AGBL3: variants seen among roughly 807,000 people sequenced by gnomAD.
The protein encoded by AGBL3 is AGBL carboxypeptidase 3, also known as cytosolic carboxypeptidase 3.
In AGBL3, 68 loss-of-function variants were observed where a neutral mutation model predicts 94.5. The observed-to-expected ratio is 0.72, with a 90% CI of 0.59 to 0.88. The LOEUF (loss-of-function observed/expected upper bound fraction) is 0.88. AGBL3 is among the 40% of genes least tolerant of loss of function. AGBL3 has a pLI of 0.00. For missense variants in AGBL3, 934 were observed against 1,103.8 expected, an observed-to-expected ratio of 0.85 and a Z score of 2.18; for synonymous variants, 354 against 370.7, an observed-to-expected ratio of 0.95 and a Z score of 0.52.
intron 4 of AGBL3, among the ~76,000 whole-genome samples, chr7:135,000,982 C>G (rs982045775): frequency 1.3e-5 from 2 of 152,144 alleles, no homozygotes; most frequent in African/African-American, 4.8e-5. Flanking sequence ...AATCTGTCGG[C>G]TTGGACAATT....
intron 15 of AGBL3, among the ~76,000 whole-genome samples, chr7:135,110,477 T>C (rs988598804): frequency 6.6e-6 from 1 of 152,012 alleles, no homozygotes; most frequent in Non-Finnish European, 1.5e-5. Context: ...ACTGCAGGAA[T>C]TGGTGGAGTG....
At chr7:135,040,878 A>AC (rs1816781296) in intron 8 of AGBL3, among the ~76,000 whole-genome samples, 1 of 12,290 alleles carries the variant, frequency 8.1e-5, no homozygotes, top group Admixed American at 1.6e-3. Context: ...GCACACACAC[A>AC]CACACACCAC....
chr7:135,017,139 T>C lies in AGBL3; in HGVS notation c.398T>C (p.Val133Ala). The C allele has an allele frequency of 6.5e-7, 1 of 1,547,558 alleles. No homozygotes were observed. The highest frequency in any genetic ancestry group is 1.2e-5 in the South Asian group (1 of 83,954). The part of the protein sequence containing the change: ...PLYPDSKEAT[V>A]VYLAEDAYKE... Reference sequence around the variant, plus strand: ...TATCCAGACTCCAAGGAAGCTACTGTGGTTTATCTAGCTGAAGATGGTGAG... The same window carrying C: ...TATCCAGACTCCAAGGAAGCTACTGCGGTTTATCTAGCTGAAGATGGTGAG... Residue 133 changes from valine (V) to alanine (A), a missense_variant, in exon 5 of 17, where the codon GTG becomes GCG. Physicochemically the swap from Val to Ala is moderately conservative, Grantham distance 64. This residue lies in a region of AGBL3 where 488 missense variants were observed against 563.6 expected (regional missense o/e 0.87). Transcript: ENST00000436302.
intron 3 of AGBL3, among the ~76,000 whole-genome samples, chr7:134,992,932 G>T (rs1184212000): frequency 1.3e-5 from 2 of 152,108 alleles, no homozygotes; most frequent in Non-Finnish European, 2.9e-5. Context: ...CTTAAGGAGG[G>T]TGACCATCAA....
intron 16 of AGBL3, among the ~76,000 whole-genome samples, chr7:135,123,291 A>G (rs954330865): frequency 7.2e-5 from 11 of 152,212 alleles, no homozygotes; most frequent in African/African-American, 2.7e-4. Context: ...AAGAAAGGAT[A>G]TCAGAGTTTG....
intron 15 of AGBL3, among the ~76,000 whole-genome samples, chr7:135,103,612 G>A (rs1401222493): frequency 1.3e-5 from 2 of 152,034 alleles, no homozygotes; most frequent in African/African-American, 4.8e-5. Context: ...TTTTCTTATG[G>A]TAGTCAGTTT....
At chr7:135,067,813 A>G (rs1424364826) in intron 12 of AGBL3, among the ~76,000 whole-genome samples, 2 of 152,186 alleles carry the variant, frequency 1.3e-5, no homozygotes, top group African/African-American at 4.8e-5. Context: ...AAAACTGGAA[A>G]CTCTAAAAAT....
chr7:135,017,608 A>G (rs543351778), intron 5 of AGBL3, among the ~76,000 whole-genome samples: 2 of 152,354 alleles, frequency 1.3e-5, no homozygotes, highest in Non-Finnish European at 2.9e-5. Context: ...AAAATCAAAC[A>G]TAGAAGTCTC....
At position 135,066,001 on chromosome 7, in the gene AGBL3, G is replaced by A. The variant is rs144453502; in HGVS notation, c.1908+6766G>A. 1.3e-3 allele frequency among the ~76,000 whole-genome samples: 194 copies of A among 152,202 alleles called. 3 individuals are homozygous for A. Among genetic ancestry groups the A allele is most frequent in the African/African-American group, 4.6e-3 (191 of 41,532 alleles). ...CTGAAGATGGGCTAAACACTTAAACGTAAGACCTGAAACCATAAAACTCCT... is the reference window on the plus strand; with the variant it reads ...CTGAAGATGGGCTAAACACTTAAACATAAGACCTGAAACCATAAAACTCCT... On this transcript the variant is annotated intron_variant, in intron 12 of 16. Transcript: ENST00000436302.
At chr7:134,988,756 A>T (rs1214095288) in intron 2 of AGBL3, among the ~76,000 whole-genome samples, 1 of 151,548 alleles carries the variant, frequency 6.6e-6, no homozygotes, top group Non-Finnish European at 1.5e-5. Flanking sequence ...TGCCTCAGCC[A>T]CCCGAGTAGC....
At chr7:135,126,794 G>A (rs1827935171) in intron 16 of AGBL3, among the ~76,000 whole-genome samples, 1 of 152,204 alleles carries the variant, frequency 6.6e-6, no homozygotes, top group Non-Finnish European at 1.5e-5. Flanking sequence ...AATAAGTGAT[G>A]CTGGGAAAAC....
intron 16 of AGBL3, among the ~76,000 whole-genome samples, chr7:135,132,162 G>A (rs950217064): frequency 1.3e-5 from 2 of 152,118 alleles, no homozygotes; most frequent in Admixed American, 6.5e-5. Flanking sequence ...TTCATTTTAT[G>A]AAGCCACTGT....
chr7:135,017,518 T>C (rs977782409), intron 5 of AGBL3, among the ~76,000 whole-genome samples: 3 of 152,216 alleles, frequency 2.0e-5, no homozygotes, highest in Admixed American at 1.3e-4. Context: ...CGTTCAGATG[T>C]TTTTCTTTTA....
chr7:135,070,440 C>T (rs1360354970), intron 12 of AGBL3, among the ~76,000 whole-genome samples: 1 of 152,104 alleles, frequency 6.6e-6, no homozygotes, highest in Non-Finnish European at 1.5e-5. Flanking sequence ...AATTTTAGAC[C>T]AATATCCTTG....
chr7:135,025,102 A>G (rs186521282), intron 5 of AGBL3, among the ~76,000 whole-genome samples: 50 of 151,690 alleles, frequency 3.3e-4, no homozygotes, highest in Admixed American at 7.9e-4. Flanking sequence ...TTAACATGAA[A>G]ATTCAAGAAA....
intron 15 of AGBL3, among the ~76,000 whole-genome samples, chr7:135,091,298 C>T (rs1437716007): frequency 6.6e-6 from 1 of 152,040 alleles, no homozygotes; most frequent in Admixed American, 6.6e-5. Context: ...TATAGTTGCC[C>T]CTCAGTATAT....
intron 15 of AGBL3, among the ~76,000 whole-genome samples, chr7:135,111,621 T>C (rs1469815932): frequency 6.6e-6 from 1 of 151,998 alleles, no homozygotes; most frequent in Non-Finnish European, 1.5e-5. Context: ...GTGAAATAGC[T>C]CAATGAATAT....
chr7:134,987,565 A>G (rs1809626819), intron 1 of AGBL3, among the ~76,000 whole-genome samples: 1 of 152,228 alleles, frequency 6.6e-6, no homozygotes. Flanking sequence ...TTAATGCCTC[A>G]GGATCATTCT....
At chr7:135,033,014 A>G (rs1487977159) in intron 6 of AGBL3, 32 bp downstream of exon 6, 35 of 1,506,316 alleles carry the variant, frequency 2.3e-5, no homozygotes, top group Middle Eastern at 1.7e-4. Context: ...TTAAGGAGCT[A>G]GACCATCAAC....
Sources: allele counts gnomAD v4.1 joint callset (sites outside exome capture counted in the v4.1 genomes callset), GRCh38; gene constraint gnomAD v4.1.1; regional missense constraint gnomAD v4.1.1; transcripts MANE v1.5; gene names NCBI Gene and HGNC (gene_info 2026-07-23, HGNC 2026-07-21).